Variants in DLC1 observed in about 807,000 individuals in gnomAD.
DLC1 encodes the protein rho GTPase-activating protein 7.
DLC1 carries 54 observed loss-of-function variants against 140.3 expected under a neutral mutation model. The observed-to-expected ratio is 0.38, with a 90% CI of 0.31 to 0.48. DLC1 has a LOEUF of 0.48. Among genes scored for constraint, DLC1 ranks in the 20% least tolerant of loss-of-function variants. DLC1 has a pLI of 0.96. For missense variants in DLC1, 2,536 were observed against 1,907.0 expected (o/e 1.33, Z -6.14); for synonymous variants, 986 against 728.1 (o/e 1.35, Z -5.70).
chr8:13,426,904 G>C (rs540462370), intron 2 of DLC1, among the ~76,000 whole-genome samples: 1 of 152,160 alleles, frequency 6.6e-6, no homozygotes, highest in East Asian at 1.9e-4. Context: ...TGCTCTACTG[G>C]AAAAATTTGT....
intron 5 of DLC1, among the ~76,000 whole-genome samples, chr8:13,165,698 A>T (rs1252064660): frequency 1.3e-5 from 2 of 152,178 alleles, no homozygotes; most frequent in Non-Finnish European, 2.9e-5. Flanking sequence ...TCCAATCAAA[A>T]CATCGGCCTC....
chr8:13,391,099 T>C (rs1026935699), intron 4 of DLC1, among the ~76,000 whole-genome samples: 1 of 152,218 alleles, frequency 6.6e-6, no homozygotes, highest in African/African-American at 2.4e-5. Flanking sequence ...TGGTGGAGTA[T>C]TTCTTTCTGG....
intron 4 of DLC1, among the ~76,000 whole-genome samples, chr8:13,318,723 C>G (rs1387652388): frequency 6.6e-6 from 1 of 152,154 alleles, no homozygotes; most frequent in Non-Finnish European, 1.5e-5. Flanking sequence ...AATGATTAAT[C>G]TTAAGGGAGC....
chr8:13,602,359 G>A (rs7461524), intron 1 of DLC1, among the ~76,000 whole-genome samples: 121,612 of 151,656 alleles, frequency 0.8, 50,195 homozygotes, highest in Middle Eastern at 0.9. Context: ...ATAGGAAACT[G>A]TAAGATGGTT....
At chr8:13,125,620 C>T (rs1821485351) in intron 5 of DLC1, among the ~76,000 whole-genome samples, 1 of 152,162 alleles carries the variant, frequency 6.6e-6, no homozygotes, top group African/African-American at 2.4e-5. Flanking sequence ...GCTCTCATCC[C>T]CAGGTTAGGC....
At chr8:13,442,114 T>G (rs1798540955) in intron 2 of DLC1, among the ~76,000 whole-genome samples, 1 of 152,212 alleles carries the variant, frequency 6.6e-6, no homozygotes, top group East Asian at 1.9e-4. Context: ...AAGGATTCCC[T>G]ATTTAATAAA....
chr8:13,538,329 G>T (rs946413522), intron 1 of DLC1, among the ~76,000 whole-genome samples: 2 of 151,534 alleles, frequency 1.3e-5, no homozygotes, highest in Admixed American at 1.3e-4. Context: ...CATTTATTTT[G>T]GTTAGTCACT....
chr8:13,557,258 T>G (rs1333989931), intron 1 of DLC1, among the ~76,000 whole-genome samples: 1 of 152,174 alleles, frequency 6.6e-6, no homozygotes, highest in Non-Finnish European at 1.5e-5. Flanking sequence ...CCACACTAGT[T>G]AATTGTTTCT....
At chr8:13,239,901 A>T (rs1829467776) in intron 5 of DLC1, among the ~76,000 whole-genome samples, 1 of 152,162 alleles carries the variant, frequency 6.6e-6, no homozygotes, top group Non-Finnish European at 1.5e-5. Flanking sequence ...TTTGGGAGGT[A>T]AGCCAAGGAG....
At chr8:13,319,474 C>CGCCG (rs1554496246) in intron 4 of DLC1, among the ~76,000 whole-genome samples, 1 of 57,558 alleles carries the variant, frequency 1.7e-5, no homozygotes, top group South Asian at 9.3e-4. Flanking sequence ...GCTGGCGGGG[C>CGCCG]GGGGGGGGGG....
chr8:13,444,672 A>C (rs1273788277), intron 2 of DLC1, among the ~76,000 whole-genome samples: 1 of 152,216 alleles, frequency 6.6e-6, no homozygotes, highest in Non-Finnish European at 1.5e-5. Flanking sequence ...TTATCTTGAC[A>C]CAGTTATTTT....
chr8:13,503,285 A>G (rs939329349), intron 1 of DLC1, among the ~76,000 whole-genome samples: 4 of 151,782 alleles, frequency 2.6e-5, no homozygotes, highest in Non-Finnish European at 5.9e-5. Context: ...GCACCTGTAG[A>G]CCCAGCAACT....
At chr8:13,439,755 T>C (rs1475217032) in intron 2 of DLC1, among the ~76,000 whole-genome samples, 1 of 152,178 alleles carries the variant, frequency 6.6e-6, no homozygotes, top group Non-Finnish European at 1.5e-5. Flanking sequence ...TTCTGAGCCC[T>C]GTGAACTACC....
At chr8:13,204,106 A>AG (rs1304419547) in intron 5 of DLC1, among the ~76,000 whole-genome samples, 7 of 152,138 alleles carry the variant, frequency 4.6e-5, no homozygotes, top group Non-Finnish European at 8.8e-5. Context: ...AAAAATGCTC[A>AG]GGGGGAAAAA....
intron 5 of DLC1, among the ~76,000 whole-genome samples, chr8:13,204,119 A>G (rs1213590722): frequency 6.6e-6 from 1 of 152,164 alleles, no homozygotes; most frequent in African/African-American, 2.4e-5. Flanking sequence ...GGGAAAAAAG[A>G]CTGTTCTGTT....
intron 5 of DLC1, among the ~76,000 whole-genome samples, chr8:13,196,483 G>A (rs925108087): frequency 6.6e-6 from 1 of 152,126 alleles, no homozygotes; most frequent in Non-Finnish European, 1.5e-5. Context: ...TGGGAGACAG[G>A]AGACTATTCA....
intron 7 of DLC1, among the ~76,000 whole-genome samples, chr8:13,103,567 G>T (rs1231260318): frequency 6.6e-6 from 1 of 151,656 alleles, no homozygotes; most frequent in Non-Finnish European, 1.5e-5. Context: ...GACTCGGCAC[G>T]GTGGCTCATG....
chr8:13,397,087 C>G (rs1303630365), intron 3 of DLC1, among the ~76,000 whole-genome samples: 3 of 152,144 alleles, frequency 2.0e-5, no homozygotes, highest in African/African-American at 7.2e-5. Context: ...ATGGCAGGGA[C>G]TCCAGTGTGA....
At chr8:13,124,158 G>A (rs188734138) in intron 5 of DLC1, among the ~76,000 whole-genome samples, 1 of 152,150 alleles carries the variant, frequency 6.6e-6, no homozygotes, top group South Asian at 2.1e-4. Context: ...TAAGCATGAA[G>A]AACTTGTGTA....
Sources: allele counts gnomAD v4.1 joint callset (sites outside exome capture counted in the v4.1 genomes callset), GRCh38; gene constraint gnomAD v4.1.1; transcripts MANE v1.5; gene names NCBI Gene and HGNC (gene_info 2026-07-23, HGNC 2026-07-21).